The following ATP9B variants were observed in gnomAD, a reference collection of about 807,000 sequenced individuals.
ATP9B encodes the protein probable phospholipid-transporting ATPase IIB.
A neutral mutation model predicts 146.1 loss-of-function variants in ATP9B; 110 were observed. That is an observed-to-expected ratio of 0.75 (90% CI 0.65 to 0.88). ATP9B has a LOEUF of 0.88. Among genes scored for constraint, ATP9B ranks in the 40% least tolerant of loss-of-function variants. ATP9B has a pLI of 0.00. For missense variants in ATP9B, 1,499 were observed against 1,496.4 expected (o/e 1.00, Z -0.03); for synonymous variants, 604 against 569.7 (o/e 1.06, Z -0.86).
intron 1 of ATP9B, among the ~76,000 whole-genome samples, chr18:79,081,710 T>G (rs1247899070): frequency 6.6e-6 from 1 of 151,332 alleles, no homozygotes; most frequent in African/African-American, 2.4e-5. Context: ...GGTTGAAAAT[T>G]CTTTAAGAAT....
chr18:79,111,919 G>A lies in ATP9B; in HGVS notation c.445-1322G>A, dbSNP rs117413955. Among the ~76,000 whole-genome samples, 995 of 152,168 alleles carry A rather than the reference G, an allele frequency of 6.5e-3. 3 individuals are homozygous for A. Among genetic ancestry groups the A allele is most frequent in the Non-Finnish European group, 0.012 (793 of 67,998 alleles). On this transcript the variant is annotated intron_variant, in intron 3 of 29. Transcript: ENST00000426216. The stretch of plus-strand genomic sequence containing the variant: ...AGGAGTTCTATGTCATTTTTACCAC[G>A]AATGGCAATTTCTAAGTTGCTAATA...
chr18:79,332,405 G>T (rs1345529900), intron 17 of ATP9B, among the ~76,000 whole-genome samples: 1 of 152,190 alleles, frequency 6.6e-6, no homozygotes, highest in Non-Finnish European at 1.5e-5. Context: ...CTCCAGCCTG[G>T]GCGACAGAGC....
chr18:79,303,653 C>A lies in ATP9B; in HGVS notation c.1461C>A (p.Thr487=), dbSNP rs367718530. The A allele has an allele frequency of 1.2e-6, 2 of 1,614,032 alleles. No individual in the cohort carries two copies. Among genetic ancestry groups the A allele is most frequent in the Non-Finnish European group, 1.7e-6 (2 of 1,179,994 alleles). ...TATTTAAGCGGCTGCACCTGGGCAC[C>A]GTGTCCTATGGCGCCGACACGATGG... is the stretch of plus-strand genomic sequence containing the variant. ...EMIFKRLHLG[T]VSYGADTMDE... The change falls in exon 14 of 30, where the codon ACC becomes ACA. Residue 487 remains threonine, a synonymous_variant. Transcript: ENST00000426216.
At chr18:79,071,940 T>C (rs1414865105) in intron 1 of ATP9B, among the ~76,000 whole-genome samples, 6 of 148,694 alleles carry the variant, frequency 4.0e-5, no homozygotes, top group Non-Finnish European at 7.4e-5. Flanking sequence ...TTTTTAGCCA[T>C]TATTTCTTCA....
intron 26 of ATP9B, chr18:79,372,404 C>T: frequency 2.9e-6 from 1 of 343,286 alleles, no homozygotes; most frequent in Non-Finnish European, 5.8e-6. Context: ...TACTGAAGAA[C>T]TGTTACGTTC....
intron 12 of ATP9B, among the ~76,000 whole-genome samples, chr18:79,258,722 C>T (rs1316171018): frequency 2.0e-5 from 3 of 152,154 alleles, no homozygotes; most frequent in Admixed American, 2.0e-4. Context: ...GAGAGACTTA[C>T]GAAGCAGAAC....
At chr18:79,074,954 A>G (rs2146416359) in intron 1 of ATP9B, among the ~76,000 whole-genome samples, 1 of 152,354 alleles carries the variant, frequency 6.6e-6, no homozygotes, top group South Asian at 2.1e-4. Flanking sequence ...CTCAACCTGT[A>G]TGTTGGTAAC....
chr18:79,253,445 T>C lies in ATP9B; in HGVS notation c.1172T>C (p.Leu391Pro). ...TKALFLALVA[L>P]SIVMVTLQGF... ...GCGCTATTTTTGGCTTTAGTTGCTC[T>C]TTCCATTGTTATGGTAACCTTACAA... Residue 391 changes from leucine (L) to proline (P), a missense_variant, in exon 12 of 30, where the codon CTT becomes CCT. By Grantham distance (98) the Leu-to-Pro change is moderately conservative. Coordinates refer to ENST00000426216, the MANE Select transcript of ATP9B (RefSeq NM_198531.5). The C allele has an allele frequency of 6.2e-7, 1 of 1,613,790 alleles. No individual in the cohort carries two copies. Among genetic ancestry groups the C allele is most frequent in the Non-Finnish European group, 8.5e-7 (1 of 1,179,930 alleles).
At chr18:79,207,087 C>G in intron 10 of ATP9B, 75 bp downstream of exon 10, 2 of 1,423,930 alleles carry the variant, frequency 1.4e-6, no homozygotes, top group Non-Finnish European at 9.9e-7. Context: ...GGACTCCAAA[C>G]AAGGGTTTCT....
chr18:79,257,694 C>T (rs1192420176), intron 12 of ATP9B, among the ~76,000 whole-genome samples: 2 of 152,228 alleles, frequency 1.3e-5, no homozygotes, highest in African/African-American at 4.8e-5. Context: ...CACTCCAGCT[C>T]AGCCTCCCCA....
rs1427979044 is a variant in ATP9B, at chr18:79,297,748, T to TCTTTTC, written c.1412-5856_1412-5855insCTTTTC. On this transcript the variant is annotated intron_variant, in intron 13 of 29. Coordinates refer to ENST00000426216, the MANE Select transcript of ATP9B (RefSeq NM_198531.5). ...GGAGATAAAACAGCTACTCAGGGACTTAGGATTTCATGTTTCGCCTTGATA... is the reference window on the plus strand; with the variant it reads ...GGAGATAAAACAGCTACTCAGGGACTCTTTTCTAGGATTTCATGTTTCGCCTTGATA... Among the ~76,000 whole-genome samples the TCTTTTC allele has an allele frequency of 1.1e-3, 121 of 113,206 alleles. 1 individual carries two copies. Among genetic ancestry groups the TCTTTTC allele is most frequent in the Middle Eastern group, 3.8e-3 (1 of 260 alleles). The allele number at this position is 113,206 out of a possible 152,430, so 74.3% of individuals were successfully genotyped here.
intron 11 of ATP9B, among the ~76,000 whole-genome samples, chr18:79,234,623 T>TTGCTGTGGGTGTGC (rs1051980038): frequency 1.6e-4 from 24 of 151,230 alleles, no homozygotes; most frequent in Admixed American, 6.6e-4. Context: ...GTGGGCCTGC[T>TTGCTGTGGGTGTGC]TGCTGTGGGT....
At chr18:79,125,517 C>T (rs1034754781) in intron 4 of ATP9B, among the ~76,000 whole-genome samples, 1 of 152,302 alleles carries the variant, frequency 6.6e-6, no homozygotes, top group East Asian at 1.9e-4. Flanking sequence ...AGTGGACATA[C>T]ATCCAGTGTT....
intron 13 of ATP9B, among the ~76,000 whole-genome samples, chr18:79,287,608 C>CT (rs1486668212): frequency 1.3e-5 from 2 of 151,212 alleles, no homozygotes; most frequent in African/African-American, 2.4e-5. Flanking sequence ...TTTTGTGTCT[C>CT]TATTTCCTTC....
chr18:79,203,996 C>CT (rs2095512408), intron 9 of ATP9B, among the ~76,000 whole-genome samples: 1 of 152,156 alleles, frequency 6.6e-6, no homozygotes, highest in African/African-American at 2.4e-5. Flanking sequence ...ACAAAGTAGT[C>CT]TAATCCATAG....
rs907335 is a variant in ATP9B, at chr18:79,301,465, G to A, written c.1412-2139G>A. Among the ~76,000 whole-genome samples, 793 of 152,300 alleles carry A rather than the reference G, an allele frequency of 5.2e-3. 11 individuals are homozygous for A. Among genetic ancestry groups the A allele is most frequent in the African/African-American group, 0.017 (721 of 41,570 alleles). The stretch of plus-strand genomic sequence containing the variant: ...CAAGATAGTGCCACTGCACGACTCC[G>A]TCTCAAAAAACAAACAAACAAATGT... On this transcript the variant is annotated intron_variant, in intron 13 of 29. Transcript: ENST00000426216.
intron 12 of ATP9B, among the ~76,000 whole-genome samples, chr18:79,256,286 T>TATATATACACACACACAC (rs398033647): frequency 8.1e-6 from 1 of 123,074 alleles, no homozygotes; most frequent in Non-Finnish European, 1.7e-5. Context: ...TATATATATA[T>TATATATACACACACACAC]ACATACATAG....
chr18:79,206,891 G>A, intron 9 of ATP9B, 46 bp from the exon 10 acceptor site: 1 of 1,571,056 alleles, frequency 6.4e-7, no homozygotes, highest in East Asian at 2.2e-5. Flanking sequence ...TGTGAATAAT[G>A]AACAATCATT....
rs149025542 is a variant in ATP9B at position 79,183,927 on chromosome 18, T to A, written c.873+7020T>A. 3.4e-3 allele frequency among the ~76,000 whole-genome samples: 519 copies of A among 152,284 alleles called. 5 individuals are homozygous for A. The highest frequency in any genetic ancestry group is 0.012 in the African/African-American group (490 of 41,564). ...CAATTCTAATTTCTCAACATCAGGG[T>A]ATCAGCGTATCTGTTTCTCCATAAC... On this transcript the variant is annotated intron_variant, in intron 8 of 29. Coordinates refer to ENST00000426216, the MANE Select transcript of ATP9B (RefSeq NM_198531.5).
Sources: allele counts gnomAD v4.1 joint callset (sites outside exome capture counted in the v4.1 genomes callset), GRCh38; gene constraint gnomAD v4.1.1; transcripts MANE v1.5; gene names NCBI Gene and HGNC (gene_info 2026-07-23, HGNC 2026-07-21).